Variants in DIAPH2 observed in about 807,000 individuals in gnomAD.
The protein encoded by DIAPH2 is diaphanous related formin 2.
Under a neutral mutation model 92.7 loss-of-function variants are expected in DIAPH2, and 35 were observed. That is an observed-to-expected ratio of 0.38 (90% CI 0.29 to 0.50). The LOEUF (loss-of-function observed/expected upper bound fraction) is 0.50. Among genes scored for constraint, DIAPH2 ranks in the 20% least tolerant of loss-of-function variants. The pLI is 0.94. For synonymous variants in DIAPH2, 301 were observed against 280.4 expected, an observed-to-expected ratio of 1.07 and a Z score of -0.73; for missense variants, 701 against 819.5, an observed-to-expected ratio of 0.86 and a Z score of 1.77.
At chrX:96,923,325 C>T (rs1465808335) in intron 9 of DIAPH2, among the ~76,000 whole-genome samples, 1 of 111,846 alleles carries the variant, frequency 8.9e-6, no homozygotes, top group Non-Finnish European at 1.9e-5. Flanking sequence ...AGATATGGTA[C>T]ACAAAAACAG....
intron 23 of DIAPH2, among the ~76,000 whole-genome samples, chrX:97,285,147 A>T (rs1005190608): frequency 9.0e-6 from 1 of 111,305 alleles, no homozygotes; most frequent in Non-Finnish European, 1.9e-5. Flanking sequence ...CTGGAAGCAA[A>T]CCCAGTTATT....
At chrX:97,040,057 A>G (rs1029750203) in intron 17 of DIAPH2, among the ~76,000 whole-genome samples, 1 of 111,293 alleles carries the variant, frequency 9.0e-6, no homozygotes, top group African/African-American at 3.3e-5. Flanking sequence ...ATGTGGGAAT[A>G]TAATATTTTA....
chrX:96,835,078 T>G (rs1042803148), intron 4 of DIAPH2, among the ~76,000 whole-genome samples: 6 of 111,676 alleles, frequency 5.4e-5, no homozygotes, highest in Non-Finnish European at 9.4e-5. Context: ...AGTTAAAATT[T>G]TACTGTTTGA....
chrX:97,297,603 AC>A (rs774607537), intron 23 of DIAPH2, among the ~76,000 whole-genome samples: 2,070 of 72,109 alleles, frequency 0.029, 22 homozygotes, highest in Middle Eastern at 0.061. Flanking sequence ...TTTTTAGTGC[AC>A]TTTTTTTTTT....
intron 10 of DIAPH2, among the ~76,000 whole-genome samples, chrX:96,933,799 G>A (rs1387791361): frequency 1.1e-5 from 1 of 92,105 alleles, no homozygotes; most frequent in Non-Finnish European, 2.1e-5. Context: ...TGCATTTTTA[G>A]TAGAGATGGG....
chrX:97,491,077 T>A (rs1301498221), intron 26 of DIAPH2, among the ~76,000 whole-genome samples: 1 of 112,118 alleles, frequency 8.9e-6, no homozygotes. Context: ...ACTTTGTATA[T>A]TTAGATGCTC....
intron 22 of DIAPH2, among the ~76,000 whole-genome samples, chrX:97,234,549 G>A (rs2068034112): frequency 9.0e-6 from 1 of 111,115 alleles, no homozygotes; most frequent in Admixed American, 9.6e-5. Context: ...TAGGGCTTAC[G>A]GACCACACAC....
chrX:96,718,537 A>T (rs550561324), intron 1 of DIAPH2, among the ~76,000 whole-genome samples: 2 of 107,382 alleles, frequency 1.9e-5, no homozygotes, highest in South Asian at 8.4e-4. Flanking sequence ...TATTTTTAGT[A>T]AAGATGGGGT....
chrX:96,840,421 C>T (rs965254932), intron 4 of DIAPH2, among the ~76,000 whole-genome samples: 14 of 111,231 alleles, frequency 1.3e-4, no homozygotes, highest in African/African-American at 4.6e-4. Context: ...CAGCCCATAA[C>T]CTGGGGTAGG....
intron 22 of DIAPH2, among the ~76,000 whole-genome samples, chrX:97,187,716 ATAAG>A (rs1569324085): frequency 9.0e-6 from 1 of 111,512 alleles, no homozygotes; most frequent in Non-Finnish European, 1.9e-5. Context: ...AATAATCAAT[ATAAG>A]TAAGGAGTTT....
chrX:96,906,061 G>A (rs1406516253), intron 5 of DIAPH2, among the ~76,000 whole-genome samples: 10 of 112,560 alleles, frequency 8.9e-5, no homozygotes, highest in Admixed American at 6.5e-4. Context: ...CCCGGGAGGC[G>A]GAGCTTGCAG....
chrX:96,784,446 A>G (rs1332716010), intron 4 of DIAPH2, among the ~76,000 whole-genome samples: 1 of 111,788 alleles, frequency 8.9e-6, no homozygotes, highest in Non-Finnish European at 1.9e-5. Context: ...TAGCTTCAGT[A>G]CTTTAGGAAA....
chrX:97,021,960 T>C (rs1309336946), intron 17 of DIAPH2, among the ~76,000 whole-genome samples: 1 of 112,149 alleles, frequency 8.9e-6, no homozygotes, highest in African/African-American at 3.2e-5. Flanking sequence ...AACAGTCTAA[T>C]AAAACAGTTG....
At chrX:97,261,411 A>C (rs1233837207) in intron 23 of DIAPH2, among the ~76,000 whole-genome samples, 1 of 112,199 alleles carries the variant, frequency 8.9e-6, no homozygotes, top group Non-Finnish European at 1.9e-5. Flanking sequence ...AGTAATGCTA[A>C]TATTGATCCA....
intron 26 of DIAPH2, among the ~76,000 whole-genome samples, chrX:97,470,693 G>GAA (rs199544991): frequency 1.1e-5 from 1 of 89,415 alleles, no homozygotes. Flanking sequence ...ACTGTGTTAA[G>GAA]AAAAAAAAAA....
At chrX:96,891,690 A>G (rs1038023167) in intron 5 of DIAPH2, among the ~76,000 whole-genome samples, 4 of 112,162 alleles carry the variant, frequency 3.6e-5, no homozygotes, top group African/African-American at 1.3e-4. Flanking sequence ...AGTATCACAG[A>G]ATTGTGATTG....
chrX:97,390,165 G>A (rs191415433), intron 25 of DIAPH2, among the ~76,000 whole-genome samples: 456 of 102,004 alleles, frequency 4.5e-3, no homozygotes, highest in African/African-American at 0.015. Context: ...CTGAATCACT[G>A]AATGTACCAC....
chrX:96,761,890 C>T lies in DIAPH2; in HGVS notation c.447+3632C>T, dbSNP rs191344460. 3.6e-5 allele frequency among the ~76,000 whole-genome samples: 4 copies of T among 111,161 alleles called. No individual in the cohort carries two copies. The East Asian group carries it at 1.1e-3, about 31-fold the overall frequency. On this transcript the variant is annotated intron_variant, in intron 4 of 26. Transcript: ENST00000324765. The stretch of plus-strand genomic sequence containing the variant: ...AGAGGCTTTTATTCAACTAAATAAT[C>T]ACTGCTTGTAAATAGTCTACTGAAT...
chrX:96,699,608 ATTTTGTATATTTAGTGTGAAAAACT>A, intron 1 of DIAPH2, among the ~76,000 whole-genome samples: 1 of 111,997 alleles, frequency 8.9e-6, no homozygotes, highest in Middle Eastern at 4.6e-3. Flanking sequence ...ACCCTATAAC[ATTTTGTATATTTAGTGTGAAAAACT>A]TTTTGTATAT....
Sources: gnomAD v4.1 joint callset for allele counts (sites outside exome capture counted in the v4.1 genomes callset) on GRCh38, gnomAD v4.1.1 for gene constraint, MANE v1.5 for transcripts, NCBI Gene and HGNC (gene_info 2026-07-23, HGNC 2026-07-21) for gene names.